Variants in LRP1B observed in about 807,000 individuals in gnomAD.
LRP1B encodes the protein LDL receptor related protein 1B.
In LRP1B, 217 loss-of-function variants were observed where a neutral mutation model predicts 556.6. The ratio of observed to expected loss-of-function variants is 0.39; its 90% CI spans 0.35 to 0.44. The LOEUF (loss-of-function observed/expected upper bound fraction) is 0.44. Ranked by LOEUF, LRP1B falls within the 20% of genes least tolerant of loss-of-function variation. The pLI is 1.00. For missense variants in LRP1B, 5,053 were observed against 5,620.8 expected (o/e 0.90, Z 3.23); for synonymous variants, 2,047 against 1,865.8 (o/e 1.10, Z -2.50).
chr2:141,887,296 C>T (rs756434837), intron 1 of LRP1B, among the ~76,000 whole-genome samples: 4 of 151,996 alleles, frequency 2.6e-5, no homozygotes, highest in South Asian at 2.1e-4. Context: ...GTGCCCAGCC[C>T]GGAATGGTTG....
chr2:141,739,045 A>G (rs1251982746), intron 2 of LRP1B, among the ~76,000 whole-genome samples: 1 of 152,140 alleles, frequency 6.6e-6, no homozygotes, highest in Admixed American at 6.6e-5. Flanking sequence ...ATGAACATTT[A>G]CTTCCTACTC....
chr2:140,300,434 G>T (rs1477539521), intron 83 of LRP1B, among the ~76,000 whole-genome samples: 1 of 152,122 alleles, frequency 6.6e-6, no homozygotes, highest in Non-Finnish European at 1.5e-5. Flanking sequence ...AGCAGAATTT[G>T]ATTTTAATAC....
At chr2:140,758,337 TA>T (rs1559100881) in intron 35 of LRP1B, among the ~76,000 whole-genome samples, 1 of 152,086 alleles carries the variant, frequency 6.6e-6, no homozygotes. Flanking sequence ...TATTTGTATT[TA>T]AAAAATAGCA....
intron 86 of LRP1B, 61 bp downstream of exon 86, chr2:140,270,181 G>A (rs1682393827): frequency 8.7e-7 from 1 of 1,143,914 alleles, no homozygotes; most frequent in Admixed American, 1.7e-5. Flanking sequence ...TAATAGAACA[G>A]GGATTTCATG....
intron 15 of LRP1B, among the ~76,000 whole-genome samples, chr2:141,003,516 T>A (rs997802366): frequency 6.6e-6 from 1 of 152,046 alleles, no homozygotes; most frequent in African/African-American, 2.4e-5. Flanking sequence ...GTCTTTCTCA[T>A]GTTGTTCTCA....
chr2:141,992,935 C>T (rs1025278137), intron 1 of LRP1B, among the ~76,000 whole-genome samples: 6 of 152,246 alleles, frequency 3.9e-5, no homozygotes, highest in African/African-American at 9.6e-5. Context: ...GAGATCAAAC[C>T]GTATGTTTTA....
chr2:140,326,983 G>A (rs1680521578), intron 79 of LRP1B, among the ~76,000 whole-genome samples: 2 of 151,974 alleles, frequency 1.3e-5, no homozygotes, highest in Non-Finnish European at 2.9e-5. Context: ...CCTTCAATAT[G>A]GAAGAGTAAT....
At chr2:141,255,572 G>A (rs1208864411) in intron 3 of LRP1B, among the ~76,000 whole-genome samples, 1 of 152,000 alleles carries the variant, frequency 6.6e-6, no homozygotes, top group African/African-American at 2.4e-5. Flanking sequence ...GTTATCTATA[G>A]TATATCCTTA....
intron 4 of LRP1B, among the ~76,000 whole-genome samples, chr2:141,251,813 G>A (rs1170149951): frequency 2.0e-5 from 3 of 152,080 alleles, no homozygotes; most frequent in Admixed American, 2.0e-4. Flanking sequence ...CAACAAAAGA[G>A]AATAGATTAA....
At chr2:140,447,017 T>C (rs1686688978) in intron 63 of LRP1B, among the ~76,000 whole-genome samples, 1 of 152,088 alleles carries the variant, frequency 6.6e-6, no homozygotes, top group African/African-American at 2.4e-5. Context: ...TGAATAGGCA[T>C]TTCTTTAAAA....
chr2:141,616,614 A>G (rs1462206151), intron 2 of LRP1B, among the ~76,000 whole-genome samples: 3 of 152,226 alleles, frequency 2.0e-5, no homozygotes, highest in African/African-American at 7.2e-5. Context: ...ATGTGAAAAT[A>G]TGTATATCTA....
intron 7 of LRP1B, among the ~76,000 whole-genome samples, chr2:141,090,927 G>T (rs1055500125): frequency 6.6e-6 from 1 of 152,142 alleles, no homozygotes; most frequent in African/African-American, 2.4e-5. Flanking sequence ...AATGTAGGAA[G>T]AAATGATAAA....
intron 35 of LRP1B, among the ~76,000 whole-genome samples, chr2:140,745,460 C>T (rs982666673): frequency 4.6e-5 from 7 of 152,032 alleles, no homozygotes; most frequent in African/African-American, 1.7e-4. Flanking sequence ...TAGAATAAAG[C>T]TTTCTTCTGT....
chr2:140,883,118 C>T (rs898058652), intron 25 of LRP1B, among the ~76,000 whole-genome samples: 2 of 152,126 alleles, frequency 1.3e-5, no homozygotes, highest in African/African-American at 4.8e-5. Flanking sequence ...GAAAAAGATA[C>T]ACTTGATACA....
intron 3 of LRP1B, among the ~76,000 whole-genome samples, chr2:141,474,778 A>G (rs997798194): frequency 5.3e-5 from 8 of 152,308 alleles, no homozygotes; most frequent in African/African-American, 1.7e-4. Context: ...AAAACAAAAT[A>G]TAAGAAAAGA....
intron 2 of LRP1B, among the ~76,000 whole-genome samples, chr2:141,711,218 G>A (rs1259254612): frequency 6.6e-6 from 1 of 152,106 alleles, no homozygotes; most frequent in East Asian, 1.9e-4. Context: ...CCCATGTATG[G>A]TGTGCCAACC....
chr2:141,624,936 A>AT (rs1688651796), intron 2 of LRP1B, among the ~76,000 whole-genome samples: 1 of 151,760 alleles, frequency 6.6e-6, no homozygotes, highest in African/African-American at 2.4e-5. Context: ...CGCCCGGCTA[A>AT]TTTTTTGTAT....
At chr2:140,326,003 G>T in intron 79 of LRP1B, 125 bp from the exon 80 acceptor site, 1 of 629,498 alleles carries the variant, frequency 1.6e-6, no homozygotes, top group Non-Finnish European at 2.8e-6. Context: ...GAAATTACCT[G>T]GTGCCCATCA....
intron 3 of LRP1B, among the ~76,000 whole-genome samples, chr2:141,356,338 T>C (rs1287499899): frequency 6.6e-6 from 1 of 152,132 alleles, no homozygotes; most frequent in Non-Finnish European, 1.5e-5. Context: ...TAAGAAAGGT[T>C]GGGCAAGTGC....
Sources: allele counts gnomAD v4.1 joint callset (sites outside exome capture counted in the v4.1 genomes callset), GRCh38; gene constraint gnomAD v4.1.1; transcripts MANE v1.5; gene names NCBI Gene and HGNC (gene_info 2026-07-23, HGNC 2026-07-21).